UNC5C: variants seen among roughly 807,000 people sequenced by gnomAD.
The protein encoded by UNC5C is unc-5 netrin receptor C.
In UNC5C, 47 loss-of-function variants were observed where a neutral mutation model predicts 99.8. The observed-to-expected ratio is 0.47, with a 90% CI of 0.37 to 0.60. The LOEUF (loss-of-function observed/expected upper bound fraction) is 0.60, where lower values mean the gene tolerates loss of function less well. UNC5C is among the 20% of genes least tolerant of loss of function. The pLI is 0.00. For synonymous variants in UNC5C, 487 were observed against 452.2 expected (o/e 1.08, Z -0.98); for missense variants, 1,062 against 1,165.9 (o/e 0.91, Z 1.30).
intron 1 of UNC5C, among the ~76,000 whole-genome samples, chr4:95,383,810 T>A (rs943928840): frequency 6.6e-6 from 1 of 152,220 alleles, no homozygotes. Flanking sequence ...TCAGCTTTAA[T>A]ATAAACTTCC....
chr4:95,421,204 C>A (rs1445326874), intron 1 of UNC5C, among the ~76,000 whole-genome samples: 6 of 152,106 alleles, frequency 3.9e-5, no homozygotes, highest in African/African-American at 1.4e-4. Context: ...CTTTTTGGAA[C>A]AGATTTTTAT....
chr4:95,536,082 AT>A (rs940269233), intron 1 of UNC5C, among the ~76,000 whole-genome samples: 128 of 78,444 alleles, frequency 1.6e-3, no homozygotes, highest in African/African-American at 4.1e-3. Flanking sequence ...ATATATATAT[AT>A]TTTTTTTTTT....
At chr4:95,306,641 C>G (rs1560778933) in intron 2 of UNC5C, among the ~76,000 whole-genome samples, 1 of 152,156 alleles carries the variant, frequency 6.6e-6, no homozygotes, top group African/African-American at 2.4e-5. Flanking sequence ...TATCCTAACT[C>G]AACTTTAGAC....
At chr4:95,303,649 C>T (rs1348895406) in intron 2 of UNC5C, among the ~76,000 whole-genome samples, 1 of 152,190 alleles carries the variant, frequency 6.6e-6, no homozygotes, top group Non-Finnish European at 1.5e-5. Flanking sequence ...GCACTTCAGC[C>T]TGGGCAATGA....
chr4:95,547,693 C>T (rs1256881871), intron 1 of UNC5C, among the ~76,000 whole-genome samples: 2 of 152,186 alleles, frequency 1.3e-5, no homozygotes, highest in Non-Finnish European at 1.5e-5. Flanking sequence ...GTTTTGGGGC[C>T]CAGGTGACCT....
At chr4:95,246,286 G>C (rs1275577413) in intron 5 of UNC5C, among the ~76,000 whole-genome samples, 1 of 152,190 alleles carries the variant, frequency 6.6e-6, no homozygotes, top group Non-Finnish European at 1.5e-5. Flanking sequence ...GCTGGGTGCA[G>C]TGGCTCATGC....
At chr4:95,506,624 G>A (rs1721930427) in intron 1 of UNC5C, among the ~76,000 whole-genome samples, 1 of 151,908 alleles carries the variant, frequency 6.6e-6, no homozygotes, top group Non-Finnish European at 1.5e-5. Flanking sequence ...GAAAACCCTA[G>A]CAAAATGGCT....
chr4:95,293,769 G>A (rs1026579539), intron 3 of UNC5C, among the ~76,000 whole-genome samples: 17 of 152,058 alleles, frequency 1.1e-4, no homozygotes, highest in African/African-American at 4.1e-4. Flanking sequence ...TATACCACCT[G>A]TATAACCTCA....
At chr4:95,448,869 C>T (rs1298233305) in intron 1 of UNC5C, among the ~76,000 whole-genome samples, 2 of 152,042 alleles carry the variant, frequency 1.3e-5, no homozygotes, top group Non-Finnish European at 2.9e-5. Flanking sequence ...TGTTTTCTGG[C>T]CAGTTTAACT....
chr4:95,523,689 C>A (rs1026946113), intron 1 of UNC5C, among the ~76,000 whole-genome samples: 4 of 152,004 alleles, frequency 2.6e-5, no homozygotes, highest in Non-Finnish European at 5.9e-5. Flanking sequence ...TAATTAATAA[C>A]AAAATAATTT....
intron 1 of UNC5C, among the ~76,000 whole-genome samples, chr4:95,538,226 A>G (rs143698044): frequency 1.4e-3 from 210 of 152,320 alleles, no homozygotes; most frequent in African/African-American, 4.7e-3. Flanking sequence ...AAAAATTCCA[A>G]TGTACATTTA....
Position 95,245,010 on chromosome 4 carries a change from C to A in UNC5C, c.910G>T (p.Val304Leu). ...NGGAFCEGQSVQKIACTTLCP... is the reference protein window; with the variant it reads ...NGGAFCEGQSLQKIACTTLCP... ...AACGTAGTACAGGCTATTTTCTGCA[C>A]ACTCTGCCCTTCACAGAAGGCACCC... is the stretch of plus-strand genomic sequence containing the variant. Residue 304 changes from valine (V) to leucine (L), a missense_variant, in exon 6 of 16, where the codon GTG becomes TTG. Coordinates refer to ENST00000453304, the MANE Select transcript of UNC5C (RefSeq NM_003728.4). The A allele has an allele frequency of 6.2e-7, 1 of 1,613,996 alleles. No homozygotes were observed. The highest frequency in any genetic ancestry group is 8.5e-7 in the Non-Finnish European group (1 of 1,179,976).
intron 1 of UNC5C, among the ~76,000 whole-genome samples, chr4:95,354,817 A>T (rs1428221048): frequency 4.6e-5 from 7 of 151,174 alleles, no homozygotes; most frequent in Admixed American, 4.6e-4. Flanking sequence ...GTTTTCTCTG[A>T]CTCTCTTCAC....
Position 95,335,647 on chromosome 4 carries a change from AAAGTGG to A in UNC5C, c.125-22_125-17del, listed in dbSNP as rs1743309502. 1.3e-6 allele frequency: 2 copies of A among 1,594,150 alleles called. No individual in the cohort carries two copies. The highest frequency in any genetic ancestry group is 2.7e-5 in the African/African-American group (2 of 73,962). On this transcript the variant is annotated splice_polypyrimidine_tract_variant and intron_variant, in intron 1 of 15. Transcript: ENST00000453304. Reference sequence around the variant, plus strand: ...AAGTCATCATCTGAGAAAGAAGAAGAAAGTGGAAGATGGTTAACACATTGTAACAAC... The same window carrying A: ...AAGTCATCATCTGAGAAAGAAGAAGAAAGATGGTTAACACATTGTAACAAC...
At chr4:95,318,675 C>A (rs1742568983) in intron 2 of UNC5C, among the ~76,000 whole-genome samples, 1 of 152,138 alleles carries the variant, frequency 6.6e-6, no homozygotes, top group Non-Finnish European at 1.5e-5. Flanking sequence ...AAGAGGCATG[C>A]CATTCATTGC....
At position 95,183,187 on chromosome 4, in the gene UNC5C, T is replaced by C. The variant is rs961390251; in HGVS notation, c.2287-126A>G. Reference sequence around the variant, plus strand: ...TCATTTAATCCTCACAACAGCCCTATGTTTAAGTACATCCTGGACCCTTAT... The same window carrying C: ...TCATTTAATCCTCACAACAGCCCTACGTTTAAGTACATCCTGGACCCTTAT... On this transcript the variant is annotated intron_variant, in intron 13 of 15. Coordinates refer to ENST00000453304, the MANE Select transcript of UNC5C (RefSeq NM_003728.4). 7 of 909,076 alleles carry C rather than the reference T, an allele frequency of 7.7e-6. No homozygotes were observed. In the Admixed American group the frequency reaches 1.7e-4, roughly 22 times the overall value. 56.3% of individuals were successfully genotyped at this position (909,076 alleles called of 1,614,324 possible). A position where few individuals can be genotyped will look rare whatever the true frequency, so the allele number is the denominator to read the frequency against.
At chr4:95,519,775 A>G (rs1446701710) in intron 1 of UNC5C, among the ~76,000 whole-genome samples, 1 of 152,214 alleles carries the variant, frequency 6.6e-6, no homozygotes, top group Non-Finnish European at 1.5e-5. Flanking sequence ...CATTTCTCCC[A>G]CTGTCTGCCC....
intron 7 of UNC5C, 145 bp downstream of exon 7, chr4:95,242,284 T>G (rs1739352256): frequency 8.2e-7 from 1 of 1,223,580 alleles, no homozygotes. Flanking sequence ...CTTTTTCCAA[T>G]TTTGAGAGCA....
At chr4:95,188,393 A>G (rs182371007) in intron 12 of UNC5C, among the ~76,000 whole-genome samples, 142 of 152,358 alleles carry the variant, frequency 9.3e-4, no homozygotes, top group Non-Finnish European at 1.8e-3. Flanking sequence ...TCGATCATCC[A>G]GCAACTCCTG....
Sources: gnomAD v4.1 joint callset for allele counts (sites outside exome capture counted in the v4.1 genomes callset) on GRCh38, gnomAD v4.1.1 for gene constraint, MANE v1.5 for transcripts, NCBI Gene and HGNC (gene_info 2026-07-23, HGNC 2026-07-21) for gene names.